KYAT1: variants seen among roughly 807,000 people sequenced by gnomAD.
KYAT1 encodes the protein kynurenine--oxoglutarate transaminase 1.
KYAT1 carries 47 observed loss-of-function variants against 52.4 expected under a neutral mutation model. That is an observed-to-expected ratio of 0.90 (90% confidence interval 0.71 to 1.14). KYAT1 has a LOEUF of 1.14. KYAT1 is among the 50% of genes most tolerant of loss of function. The pLI is 0.00. For missense variants in KYAT1, 480 were observed against 557.9 expected (o/e 0.86, Z 1.41); for synonymous variants, 212 against 209.6 (o/e 1.01, Z -0.10).
intron 1 of KYAT1, chr9:128,847,722 G>A: frequency 1.9e-6 from 1 of 527,210 alleles, no homozygotes; most frequent in East Asian, 3.1e-5. Flanking sequence ...CAAGTGCTCT[G>A]TTGCATGATT....
In KYAT1 at chr9:128,846,909, G is replaced by A. The variant is rs994497677; in HGVS notation, c.-6-1498C>T. On this transcript the variant is annotated intron_variant, in intron 1 of 12. Coordinates refer to ENST00000302586, the MANE Select transcript of KYAT1 (RefSeq NM_004059.5). ...TCAGGATTTTGCTCAGTTCCACCTC[G>A]CTCAGTTCCCACTGCACTCTCACTA... 2.9e-5 allele frequency: 43 copies of A among 1,459,258 alleles called. No individual in the cohort carries two copies. In the African/African-American group the frequency reaches 3.4e-4, roughly 11 times the overall value. 90.4% of individuals were successfully genotyped at this position (1,459,258 alleles called of 1,614,324 possible). A position where few individuals can be genotyped will look rare whatever the true frequency, so the allele number is the denominator to read the frequency against.
At chr9:128,875,245 T>G (rs1424180902) in intron 1 of KYAT1, among the ~76,000 whole-genome samples, 2 of 148,482 alleles carry the variant, frequency 1.3e-5, no homozygotes, top group Non-Finnish European at 3.0e-5. Context: ...TTTGTTTTTT[T>G]TTGTTTTTTT....
intron 1 of KYAT1, chr9:128,847,685 A>C: frequency 3.5e-6 from 2 of 564,618 alleles, no homozygotes; most frequent in Non-Finnish European, 6.3e-6. Context: ...CAACAACAAT[A>C]TGGTCATTGC....
intron 1 of KYAT1, chr9:128,847,365 A>G: frequency 9.3e-7 from 1 of 1,074,070 alleles, no homozygotes; most frequent in Admixed American, 2.3e-5. Context: ...CTTTGAAGCC[A>G]GGAACGAGCC....
intron 1 of KYAT1, among the ~76,000 whole-genome samples, chr9:128,879,797 C>T (rs1463826545): frequency 1.3e-5 from 2 of 152,246 alleles, no homozygotes; most frequent in Admixed American, 1.3e-4. Flanking sequence ...GGTCCCAAGA[C>T]CTGGGCTTCC....
chr9:128,841,980 C>G (rs571456594), intron 3 of KYAT1: 1 of 159,736 alleles, frequency 6.3e-6, no homozygotes, highest in African/African-American at 2.4e-5. Flanking sequence ...TCACTACACT[C>G]TAGCCTAGGT....
At chr9:128,846,815 G>T in intron 1 of KYAT1, 1 of 1,535,608 alleles carries the variant, frequency 6.5e-7, no homozygotes, top group Non-Finnish European at 8.7e-7. Context: ...CCAGATGGCT[G>T]GTGGGCCGTG....
intron 1 of KYAT1, among the ~76,000 whole-genome samples, chr9:128,848,148 C>T (rs1293564421): frequency 1.3e-5 from 2 of 151,550 alleles, no homozygotes; most frequent in East Asian, 1.9e-4. Context: ...ACTGAAACAC[C>T]GTCTCTACAA....
chr9:128,836,931 G>T lies in KYAT1; in HGVS notation c.568-9C>A. The stretch of plus-strand genomic sequence containing the variant: ...TCTTCCCTGGAGAACACCTGCAGAT[G>T]CCCAAGGAGAGCACAGACCTGCAGC... On this transcript the variant is annotated splice_polypyrimidine_tract_variant and intron_variant, in intron 6 of 12. Transcript: ENST00000302586. 1 of 1,609,948 alleles carries T rather than the reference G, an allele frequency of 6.2e-7. No individual in the cohort carries two copies.
At chr9:128,850,285 T>G (rs2759015) in intron 1 of KYAT1, among the ~76,000 whole-genome samples, 83,886 of 151,916 alleles carry the variant, frequency 0.55, 27,894 homozygotes, top group Non-Finnish European at 0.71. Context: ...TATGTAGAAA[T>G]GGAAGACATA....
intron 1 of KYAT1, among the ~76,000 whole-genome samples, chr9:128,869,350 A>G (rs908565005): frequency 1.3e-4 from 20 of 150,976 alleles, no homozygotes; most frequent in Non-Finnish European, 2.2e-4. Context: ...TTTAGTAGAG[A>G]CGGGGTTTCA....
intron 1 of KYAT1, among the ~76,000 whole-genome samples, chr9:128,858,096 A>C (rs1371284825): frequency 3.3e-5 from 5 of 151,996 alleles, no homozygotes; most frequent in Non-Finnish European, 4.4e-5. Flanking sequence ...GTTTCCAAAA[A>C]AGATACACAA....
intron 1 of KYAT1, among the ~76,000 whole-genome samples, chr9:128,869,452 T>C (rs1322156995): frequency 1.3e-5 from 2 of 152,250 alleles, no homozygotes; most frequent in Non-Finnish European, 2.9e-5. Flanking sequence ...TGAGCCACCG[T>C]ACCCGGCACC....
At chr9:128,868,969 G>A (rs1262542608) in intron 1 of KYAT1, among the ~76,000 whole-genome samples, 1 of 152,054 alleles carries the variant, frequency 6.6e-6, no homozygotes, top group African/African-American at 2.4e-5. Flanking sequence ...CTCCCAAAGT[G>A]TTAGGATTAC....
intron 1 of KYAT1, among the ~76,000 whole-genome samples, chr9:128,851,321 C>T (rs1010751816): frequency 4.6e-5 from 7 of 152,136 alleles, no homozygotes; most frequent in Admixed American, 6.6e-5. Flanking sequence ...GAGAGATTCC[C>T]GAGTACGTCC....
chr9:128,853,545 A>G (rs1402767525), intron 1 of KYAT1, among the ~76,000 whole-genome samples: 1 of 152,196 alleles, frequency 6.6e-6, no homozygotes, highest in Non-Finnish European at 1.5e-5. Context: ...CAAATATAGT[A>G]TGGATGATCA....
chr9:128,851,057 C>T (rs1340352391), intron 1 of KYAT1, among the ~76,000 whole-genome samples: 1 of 152,152 alleles, frequency 6.6e-6, no homozygotes, highest in African/African-American at 2.4e-5. Context: ...AAATAATAAT[C>T]AATAAAAAGT....
chr9:128,882,428 G>A (rs1478752858), upstream of KYAT1: 3 of 323,270 alleles, frequency 9.3e-6, no homozygotes, highest in Non-Finnish European at 1.7e-5. Flanking sequence ...CCAGTGCCCG[G>A]AGTCTCCGGG....
chr9:128,840,632 T>G (rs76200671), intron 3 of KYAT1: 1 of 443,896 alleles, frequency 2.3e-6, no homozygotes. Flanking sequence ...TTTTTTTTTT[T>G]GGATCAAAGA....
Sources: allele counts gnomAD v4.1 joint callset (sites outside exome capture counted in the v4.1 genomes callset), GRCh38; gene constraint gnomAD v4.1.1; transcripts MANE v1.5; gene names NCBI Gene and HGNC (gene_info 2026-07-23, HGNC 2026-07-21).